ANO2: variants seen among roughly 807,000 people sequenced by gnomAD.
ANO2 encodes anoctamin-2.
ANO2 carries 101 observed loss-of-function variants against 124.2 expected under a neutral mutation model. That is an observed-to-expected ratio of 0.81 (90% CI 0.69 to 0.96). The LOEUF (loss-of-function observed/expected upper bound fraction) is 0.96, where lower values mean the gene tolerates loss of function less well. Among genes scored for constraint, ANO2 ranks in the 40% least tolerant of loss-of-function variants. ANO2 has a pLI of 0.00. For missense variants in ANO2, 1,293 were observed against 1,274.5 expected (o/e 1.01, Z -0.22); for synonymous variants, 486 against 482.5 (o/e 1.01, Z -0.09).
intron 9 of ANO2, among the ~76,000 whole-genome samples, chr12:5,802,189 T>C (rs917099036): frequency 6.6e-6 from 1 of 152,178 alleles, no homozygotes; most frequent in Admixed American, 6.5e-5. Flanking sequence ...TTTTCCCTGG[T>C]TGAATCCCAG....
At chr12:5,684,246 C>T (rs1300002823) in intron 14 of ANO2, among the ~76,000 whole-genome samples, 1 of 152,214 alleles carries the variant, frequency 6.6e-6, no homozygotes, top group African/African-American at 2.4e-5. Flanking sequence ...TTTTCACAGC[C>T]TGGGTCACAG....
At chr12:5,579,752 C>G (rs555169048) in intron 20 of ANO2, among the ~76,000 whole-genome samples, 1 of 152,318 alleles carries the variant, frequency 6.6e-6, no homozygotes, top group South Asian at 2.1e-4. Flanking sequence ...CTAGCTTCAT[C>G]TCCTAGCATC....
At chr12:5,910,332 C>T (rs970741979) in intron 3 of ANO2, among the ~76,000 whole-genome samples, 1 of 152,092 alleles carries the variant, frequency 6.6e-6, no homozygotes, top group African/African-American at 2.4e-5. Flanking sequence ...GCACGTGCCA[C>T]CAAGCCTGGC....
chr12:5,841,024 G>C (rs1346518009), intron 4 of ANO2, among the ~76,000 whole-genome samples: 1 of 152,142 alleles, frequency 6.6e-6, no homozygotes, highest in Non-Finnish European at 1.5e-5. Flanking sequence ...AGCTGAAGAA[G>C]GGAGGAGCAA....
At chr12:5,912,676 G>A (rs1404751590) in intron 3 of ANO2, among the ~76,000 whole-genome samples, 1 of 152,160 alleles carries the variant, frequency 6.6e-6, no homozygotes, top group Non-Finnish European at 1.5e-5. Flanking sequence ...CCCAGGGGCA[G>A]GGGCTGCAGA....
At chr12:5,944,195 C>A (rs1164679807) in intron 1 of ANO2, among the ~76,000 whole-genome samples, 2 of 152,170 alleles carry the variant, frequency 1.3e-5, no homozygotes, top group African/African-American at 4.8e-5. Flanking sequence ...GGCTCTGATG[C>A]CAGGTTCCAA....
chr12:5,618,315 G>A (rs2136914646), intron 16 of ANO2, among the ~76,000 whole-genome samples: 1 of 152,336 alleles, frequency 6.6e-6, no homozygotes, highest in South Asian at 2.1e-4. Flanking sequence ...GGAACCATCT[G>A]AAGGTCACCT....
Position 5,625,760 on chromosome 12 carries a change from C to T in ANO2, c.1816+9392G>A, listed in dbSNP as rs1945366532. On this transcript the variant is annotated intron_variant, in intron 16 of 24. Transcript: ENST00000682330. ...GTCAAGGTTGGACTGGGTGATTTCCCAGGTTCTTCCTGCTTCTGGTCTTCT... is the reference window on the plus strand; with the variant it reads ...GTCAAGGTTGGACTGGGTGATTTCCTAGGTTCTTCCTGCTTCTGGTCTTCT... Among the ~76,000 whole-genome samples, 3 of 152,134 alleles carry T rather than the reference C, an allele frequency of 2.0e-5. No individual in the cohort carries two copies. The South Asian group carries it at 6.2e-4, about 32-fold the overall frequency.
intron 7 of ANO2, among the ~76,000 whole-genome samples, chr12:5,826,984 G>T (rs576509027): frequency 6.6e-6 from 1 of 152,294 alleles, no homozygotes; most frequent in South Asian, 2.1e-4. Context: ...GCCACTTGGA[G>T]ATGGCAGCAC....
chr12:5,575,378 A>T (rs1413096642), intron 23 of ANO2, among the ~76,000 whole-genome samples: 1 of 152,246 alleles, frequency 6.6e-6, no homozygotes, highest in Non-Finnish European at 1.5e-5. Flanking sequence ...TAACAACTGC[A>T]GAGAGAGCAG....
chr12:5,880,052 C>A (rs1328448628), intron 3 of ANO2, among the ~76,000 whole-genome samples: 1 of 151,990 alleles, frequency 6.6e-6, no homozygotes, highest in Non-Finnish European at 1.5e-5. Flanking sequence ...GAAACAGATA[C>A]GGGAAATGGA....
chr12:5,688,556 C>T (rs1948798008), intron 14 of ANO2, among the ~76,000 whole-genome samples: 1 of 152,208 alleles, frequency 6.6e-6, no homozygotes, highest in Non-Finnish European at 1.5e-5. Context: ...TCTGCATCTA[C>T]TCAAATCCTT....
intron 22 of ANO2, among the ~76,000 whole-genome samples, chr12:5,577,578 C>T (rs1295602708): frequency 2.0e-5 from 3 of 152,152 alleles, no homozygotes; most frequent in Non-Finnish European, 2.9e-5. Context: ...GGATTGTAGC[C>T]TGGGCAATGC....
chr12:5,827,896 C>T, intron 6 of ANO2, 76 bp from the exon 7 acceptor site: 1 of 1,517,840 alleles, frequency 6.6e-7, no homozygotes, highest in South Asian at 1.2e-5. Flanking sequence ...CTCACCACTG[C>T]CTGGCAGGGG....
intron 19 of ANO2, among the ~76,000 whole-genome samples, chr12:5,603,858 T>C (rs916940957): frequency 7.3e-6 from 1 of 136,324 alleles, no homozygotes; most frequent in Admixed American, 8.5e-5. Flanking sequence ...GGCAGGAGAA[T>C]GGCATGAACC....
intron 10 of ANO2, among the ~76,000 whole-genome samples, chr12:5,752,747 AT>A (rs1292925153): frequency 1.3e-5 from 2 of 151,968 alleles, no homozygotes; most frequent in Non-Finnish European, 2.9e-5. Flanking sequence ...CCATTTGTCT[AT>A]TTTTGCTTTT....
At chr12:5,772,365 T>C (rs1331687429) in intron 10 of ANO2, among the ~76,000 whole-genome samples, 1 of 151,994 alleles carries the variant, frequency 6.6e-6, no homozygotes, top group African/African-American at 2.4e-5. Flanking sequence ...ACCTACCAAG[T>C]GTAATCTACA....
chr12:5,720,713 C>A (rs1468108862), intron 14 of ANO2, among the ~76,000 whole-genome samples: 1 of 152,178 alleles, frequency 6.6e-6, no homozygotes, highest in Non-Finnish European at 1.5e-5. Context: ...AGCTCCGAGT[C>A]TGGATCCACA....
intron 19 of ANO2, among the ~76,000 whole-genome samples, chr12:5,601,297 G>A (rs759740936): frequency 3.9e-5 from 6 of 152,106 alleles, no homozygotes; most frequent in Non-Finnish European, 7.4e-5. Flanking sequence ...AATAAAGATA[G>A]ACAAATATAT....
Sources: gnomAD v4.1 joint callset for allele counts (sites outside exome capture counted in the v4.1 genomes callset) on GRCh38, gnomAD v4.1.1 for gene constraint, MANE v1.5 for transcripts, NCBI Gene and HGNC (gene_info 2026-07-23, HGNC 2026-07-21) for gene names.